Variants in GRID1 observed in about 807,000 individuals in gnomAD.
GRID1 encodes glutamate receptor ionotropic, delta-1.
In GRID1, 28 loss-of-function variants were observed where a neutral mutation model predicts 98.0. That is an observed-to-expected ratio of 0.29 (90% CI 0.21 to 0.39). The LOEUF (loss-of-function observed/expected upper bound fraction) is 0.39, where lower values mean the gene tolerates loss of function less well. GRID1 is among the 10% of genes least tolerant of loss of function. The probability of loss-of-function intolerance (pLI) is 1.00; values close to 1 mark genes in which losing one functional copy is unlikely to be tolerated. For synonymous variants in GRID1, 553 were observed against 538.5 expected (o/e 1.03, Z -0.37); for missense variants, 1,111 against 1,340.5 (o/e 0.83, Z 2.67).
chr10:85,876,300 T>C (rs1463377692), intron 5 of GRID1, among the ~76,000 whole-genome samples: 1 of 152,128 alleles, frequency 6.6e-6, no homozygotes, highest in Non-Finnish European at 1.5e-5. Flanking sequence ...TCTCACTTCT[T>C]CCAGCTTCTG....
rs766011283 is a variant in GRID1, at chr10:85,613,412, T to C, written c.2596A>G (p.Lys866Glu). 2 of 1,612,568 alleles carry C rather than the reference T, an allele frequency of 1.2e-6. No individual in the cohort carries two copies. Among genetic ancestry groups the C allele is most frequent in the Non-Finnish European group, 8.5e-7 (1 of 1,179,668 alleles). Residue 866 changes from lysine to glutamate, a missense_variant, in exon 15 of 16, where the codon AAG (lysine) becomes GAG (glutamate). Physicochemically the swap from Lys to Glu is moderately conservative, Grantham distance 56. Coordinates refer to ENST00000327946, the MANE Select transcript of GRID1 (RefSeq NM_017551.3). ...NSNRCHQETP[K>E]EDKEVNLEQV... ...GCAGGCCCCAGGGTGCTGACCTCCT[T>C]GGGGGTCTCCTGGTGGCACCGGTTG...
chr10:85,817,134 T>G (rs1842723133), intron 8 of GRID1, among the ~76,000 whole-genome samples: 1 of 152,238 alleles, frequency 6.6e-6, no homozygotes. Flanking sequence ...TCCATGTCTT[T>G]GCTATTTTGA....
chr10:85,931,483 CT>C (rs1841849935), intron 4 of GRID1, among the ~76,000 whole-genome samples: 1 of 152,080 alleles, frequency 6.6e-6, no homozygotes, highest in Non-Finnish European at 1.5e-5. Context: ...ACTTTTCTCT[CT>C]CATTATATAC....
At chr10:85,983,384 C>T (rs1396622876) in intron 4 of GRID1, among the ~76,000 whole-genome samples, 1 of 152,222 alleles carries the variant, frequency 6.6e-6, no homozygotes, top group Non-Finnish European at 1.5e-5. Flanking sequence ...GTGTCCACTG[C>T]CCACTGCACG....
At chr10:85,734,926 G>A (rs1453268013) in intron 8 of GRID1, among the ~76,000 whole-genome samples, 1 of 152,168 alleles carries the variant, frequency 6.6e-6, no homozygotes, top group Non-Finnish European at 1.5e-5. Flanking sequence ...CCCAAGATTA[G>A]GAGAGACATG....
chr10:85,682,883 G>T (rs1384443282), intron 12 of GRID1, among the ~76,000 whole-genome samples: 4 of 152,232 alleles, frequency 2.6e-5, no homozygotes, highest in African/African-American at 9.6e-5. Flanking sequence ...TGTGCAAGAA[G>T]ATTCGCCTTC....
rs534848012 is a variant in GRID1 at position 86,111,248 on chromosome 10, C to T, written c.726+27571G>A. On this transcript the variant is annotated intron_variant, in intron 4 of 15. Transcript: ENST00000327946. ...GAAGTTTGTCATCTCTGCCTACATG[C>T]CCTTGGCCACAGCAAGTCACAGGGT... 4.6e-5 allele frequency among the ~76,000 whole-genome samples: 7 copies of T among 152,344 alleles called. No individual in the cohort carries two copies. In the East Asian group the frequency reaches 1.2e-3, roughly 25 times the overall value.
At chr10:85,648,275 G>A (rs968557090) in intron 12 of GRID1, among the ~76,000 whole-genome samples, 1 of 152,024 alleles carries the variant, frequency 6.6e-6, no homozygotes, top group Non-Finnish European at 1.5e-5. Flanking sequence ...CTCTGGGGAA[G>A]GACAAATAGT....
chr10:86,017,613 G>T (rs1842996030), intron 4 of GRID1, among the ~76,000 whole-genome samples: 1 of 152,228 alleles, frequency 6.6e-6, no homozygotes, highest in Non-Finnish European at 1.5e-5. Context: ...ATTGGCCCTG[G>T]TGTCTCCAGG....
At chr10:85,686,693 A>T (rs1454256725) in intron 12 of GRID1, among the ~76,000 whole-genome samples, 1 of 152,108 alleles carries the variant, frequency 6.6e-6, no homozygotes, top group East Asian at 1.9e-4. Context: ...TATCAAAGAT[A>T]TTAAGAAATT....
chr10:86,340,941 C>T (rs1178831196), intron 2 of GRID1, among the ~76,000 whole-genome samples: 7 of 152,178 alleles, frequency 4.6e-5, no homozygotes, highest in Admixed American at 3.9e-4. Context: ...GGACCACAGG[C>T]AGCCCCCAAC....
At chr10:86,331,125 C>T (rs1320321722) in intron 2 of GRID1, among the ~76,000 whole-genome samples, 1 of 152,244 alleles carries the variant, frequency 6.6e-6, no homozygotes, top group African/African-American at 2.4e-5. Context: ...CGCTGATCAT[C>T]GTCACCCATG....
intron 8 of GRID1, among the ~76,000 whole-genome samples, chr10:85,849,650 G>A (rs1480811303): frequency 2.6e-5 from 4 of 152,020 alleles, no homozygotes; most frequent in African/African-American, 4.8e-5. Context: ...TGATGTTCTG[G>A]GTCCTCTGCC....
At chr10:85,776,394 T>C (rs1049696366) in intron 8 of GRID1, among the ~76,000 whole-genome samples, 2 of 152,092 alleles carry the variant, frequency 1.3e-5, no homozygotes, top group African/African-American at 4.8e-5. Flanking sequence ...GAGAAAAATA[T>C]AAAAGGTTAC....
intron 2 of GRID1, among the ~76,000 whole-genome samples, chr10:86,221,324 C>T (rs867969587): frequency 2.0e-5 from 3 of 152,242 alleles, no homozygotes; most frequent in Non-Finnish European, 1.5e-5. Context: ...CCCACCAGCA[C>T]ATTTCTAGCC....
intron 8 of GRID1, among the ~76,000 whole-genome samples, chr10:85,844,935 G>A (rs551071210): frequency 7.3e-5 from 11 of 151,698 alleles, no homozygotes; most frequent in African/African-American, 2.7e-4. Flanking sequence ...GGAATTCAAG[G>A]GAATTGTCTT....
In GRID1 at chr10:85,857,091, T is replaced by C. The variant is rs73338596; in HGVS notation, c.952-901A>G. Among the ~76,000 whole-genome samples the C allele has an allele frequency of 5.4e-3, 827 of 152,262 alleles. 6 individuals carry two copies. Among genetic ancestry groups the C allele is most frequent in the African/African-American group, 0.019 (780 of 41,552 alleles). On this transcript the variant is annotated intron_variant, in intron 6 of 15. Coordinates refer to ENST00000327946, the MANE Select transcript of GRID1 (RefSeq NM_017551.3). ...GGTGGCCTGAGTGACGAGGTAACAG[T>C]GAGGACGGTGGTAACAAGAGATGAG...
At chr10:86,143,391 C>G (rs1019375491) in intron 3 of GRID1, among the ~76,000 whole-genome samples, 1 of 152,124 alleles carries the variant, frequency 6.6e-6, no homozygotes, top group Non-Finnish European at 1.5e-5. Flanking sequence ...TACCCCATCC[C>G]CCCAAAAAAC....
chr10:85,745,470 G>A (rs1328885654), intron 8 of GRID1, among the ~76,000 whole-genome samples: 1 of 127,636 alleles, frequency 7.8e-6, no homozygotes. Flanking sequence ...ACTATCGCAA[G>A]AACGAAAAAC....
Sources: allele counts gnomAD v4.1 joint callset (sites outside exome capture counted in the v4.1 genomes callset), GRCh38; gene constraint gnomAD v4.1.1; transcripts MANE v1.5; gene names NCBI Gene and HGNC (gene_info 2026-07-23, HGNC 2026-07-21).